MKNK1: variants seen among roughly 807,000 people sequenced by gnomAD.
MKNK1 encodes the protein MAP kinase-interacting serine/threonine-protein kinase 1.
In MKNK1, 30 loss-of-function variants were observed where a neutral mutation model predicts 49.3. That is an observed-to-expected ratio of 0.61 (90% CI 0.46 to 0.83). MKNK1 has a LOEUF of 0.83. Among genes scored for constraint, MKNK1 ranks in the 40% least tolerant of loss-of-function variants. The pLI is 0.00. For missense variants in MKNK1, 423 were observed against 524.7 expected (o/e 0.81, Z 1.89); for synonymous variants, 176 against 201.7 (o/e 0.87, Z 1.08).
At chr1:46,593,892 T>C (rs1038354796) in intron 2 of MKNK1, 9 of 383,932 alleles carry the variant, frequency 2.3e-5, no homozygotes, top group Non-Finnish European at 3.7e-5. Flanking sequence ...AAATATGTTT[T>C]AGTTACATGT....
intron 9 of MKNK1, 43 bp downstream of exon 9, chr1:46,564,998 G>A (rs1668806993): frequency 6.3e-7 from 1 of 1,582,540 alleles, no homozygotes; most frequent in South Asian, 1.1e-5. Flanking sequence ...CTGGATCAGG[G>A]AAACACTCCA....
At chr1:46,583,572 A>G (rs1672066658) in intron 2 of MKNK1, among the ~76,000 whole-genome samples, 1 of 152,216 alleles carries the variant, frequency 6.6e-6, no homozygotes, top group Non-Finnish European at 1.5e-5. Context: ...AAAAGAGGCC[A>G]GCGGAAGCCT....
rs997020635 is a variant in MKNK1, at chr1:46,583,422, A to AC, written c.-2-94dup. On this transcript the variant is annotated intron_variant, in intron 2 of 12. Coordinates refer to ENST00000371945, the MANE Select transcript of MKNK1 (RefSeq NM_001135553.4). Reference sequence around the variant, plus strand: ...GAAAAAAAAAAGGTAGTGGGGGAGGACCCAGGAGGTTTACACTGATGGTTT... The same window carrying AC: ...GAAAAAAAAAAGGTAGTGGGGGAGGACCCCAGGAGGTTTACACTGATGGTTT... The AC allele has an allele frequency of 4.9e-5, 45 of 921,272 alleles. No individual in the cohort carries two copies. In the African/African-American group the frequency reaches 6.0e-4, roughly 12 times the overall value. The allele number at this position is 921,272 out of a possible 1,614,324, so 57.1% of individuals were successfully genotyped here.
intron 8 of MKNK1, chr1:46,565,353 A>C: frequency 1.8e-6 from 1 of 565,830 alleles, no homozygotes; most frequent in South Asian, 2.0e-5. Context: ...CTAAGGGAAA[A>C]ATGGGTGGAC....
intron 2 of MKNK1, among the ~76,000 whole-genome samples, chr1:46,587,163 G>A (rs1017792877): frequency 9.2e-5 from 14 of 152,230 alleles, no homozygotes; most frequent in African/African-American, 3.4e-4. Context: ...ATTGGGCAAT[G>A]TGTCTGTTAT....
At chr1:46,570,318 G>A (rs3766240) in intron 7 of MKNK1, 87,879 of 152,128 alleles carry the variant, frequency 0.58, 28,007 homozygotes, top group Non-Finnish European at 0.71. Flanking sequence ...GCAGCTTGGG[G>A]AGCAGTTGTA....
At chr1:46,559,063 G>T (rs561110002) in intron 12 of MKNK1, among the ~76,000 whole-genome samples, 1 of 152,298 alleles carries the variant, frequency 6.6e-6, no homozygotes, top group African/African-American at 2.4e-5. Flanking sequence ...ACCCTCCTCT[G>T]AGCTCCCACA....
chr1:46,568,406 G>A (rs766043463), intron 8 of MKNK1, 37 bp downstream of exon 8: 74 of 1,604,794 alleles, frequency 4.6e-5, no homozygotes, highest in South Asian at 3.3e-4. Flanking sequence ...TCCTCGGTAA[G>A]TATAAACTAT....
chr1:46,599,754 T>C (rs34806553), intron 1 of MKNK1, among the ~76,000 whole-genome samples: 33,031 of 152,190 alleles, frequency 0.22, 4,729 homozygotes, highest in East Asian at 0.66. Context: ...TATCTAACCT[T>C]GGGGAAGTCA....
intron 8 of MKNK1, 95 bp downstream of exon 8, chr1:46,568,348 T>G: frequency 8.5e-7 from 1 of 1,171,980 alleles, no homozygotes; most frequent in Non-Finnish European, 1.3e-6. Context: ...AGTTGGTGTC[T>G]GAGGCCAACG....
At chr1:46,561,714 C>A in intron 10 of MKNK1, 72 bp from the exon 11 acceptor site, 2 of 1,533,104 alleles carry the variant, frequency 1.3e-6, no homozygotes, top group South Asian at 1.2e-5. Context: ...TTGTTTTGAT[C>A]AACCGGCTTC....
intron 3 of MKNK1, among the ~76,000 whole-genome samples, chr1:46,581,508 C>CAAAA (rs36099600): frequency 3.6e-4 from 15 of 41,652 alleles, no homozygotes; most frequent in Middle Eastern, 0.025. Context: ...GACCCCATAT[C>CAAAA]AAAAAAAAAA....
chr1:46,577,112 C>T (rs1671079962), intron 4 of MKNK1, among the ~76,000 whole-genome samples: 1 of 152,200 alleles, frequency 6.6e-6, no homozygotes, highest in Non-Finnish European at 1.5e-5. Context: ...CAGAGGCTGC[C>T]TCCACGATCC....
intron 12 of MKNK1, 64 bp downstream of exon 12, chr1:46,560,170 C>T: frequency 6.3e-7 from 1 of 1,588,514 alleles, no homozygotes; most frequent in East Asian, 2.2e-5. Context: ...TCCCCCGGCC[C>T]CCACCCCCAT....
chr1:46,558,347 G>A lies in MKNK1; in HGVS notation c.*228C>T. The stretch of plus-strand genomic sequence containing the variant: ...TGCTGCAGGCAATTATGCAAAGTGA[G>A]AAGTGATTGCTTTCCTTTTCAAAGA... On this transcript the variant is annotated 3_prime_UTR_variant, in exon 13 of 13. Coordinates refer to ENST00000371945, the MANE Select transcript of MKNK1 (RefSeq NM_001135553.4). 1 of 541,720 alleles carries A rather than the reference G, an allele frequency of 1.8e-6. No individual in the cohort carries two copies. Among genetic ancestry groups the A allele is most frequent in the Non-Finnish European group, 3.2e-6 (1 of 310,494 alleles). 33.6% of individuals were successfully genotyped at this position (541,720 alleles called of 1,614,324 possible).
chr1:46,560,623 T>G (rs937930760), intron 11 of MKNK1, among the ~76,000 whole-genome samples: 1 of 151,882 alleles, frequency 6.6e-6, no homozygotes, highest in Admixed American at 6.6e-5. Flanking sequence ...GGATGGGGAG[T>G]GGGGTCTTGC....
chr1:46,582,402 T>A (rs1204907246), intron 3 of MKNK1, among the ~76,000 whole-genome samples: 1 of 152,222 alleles, frequency 6.6e-6, no homozygotes, highest in Admixed American at 6.5e-5. Context: ...CATATCAGGA[T>A]AGGTGGGTGG....
At chr1:46,568,619 A>T (rs1199958388) in intron 7 of MKNK1, 121 bp from the exon 8 acceptor site, 1 of 963,604 alleles carries the variant, frequency 1.0e-6, no homozygotes, top group Non-Finnish European at 1.6e-6. Context: ...ATGGTACATT[A>T]AAAAATCAAC....
rs770417988 is a variant in MKNK1 at position 46,572,129 on chromosome 1, T to C, written c.391A>G (p.Asn131Asp). 1 of 1,614,180 alleles carries C rather than the reference T, an allele frequency of 6.2e-7. No individual in the cohort carries two copies. The highest frequency in any genetic ancestry group is 8.5e-7 in the Non-Finnish European group (1 of 1,180,014). Residue 131 changes from asparagine (N) to aspartate (D), a missense_variant, in exon 7 of 13, where the codon AAT (asparagine) becomes GAT (aspartate). Physicochemically the swap from Asn to Asp is conservative, Grantham distance 23. Transcript: ENST00000371945. ...ACCACTCGGCTGGCTTCTCGCTCAT[T>C]GAAGTGCTTTTGCTTCTGGATGTGG... ...LAHIQKQKHF[N>D]EREASRVVRD...
Sources: gnomAD v4.1 joint callset for allele counts (sites outside exome capture counted in the v4.1 genomes callset) on GRCh38, gnomAD v4.1.1 for gene constraint, MANE v1.5 for transcripts, NCBI Gene and HGNC (gene_info 2026-07-23, HGNC 2026-07-21) for gene names.